The following STN1 variants were observed in gnomAD, a reference collection of about 807,000 sequenced individuals.
The protein encoded by STN1 is CST complex subunit STN1.
In STN1, 29 loss-of-function variants were observed where a neutral mutation model predicts 45.5. That is an observed-to-expected ratio of 0.64 (90% CI 0.47 to 0.87). The LOEUF is 0.87. Ranked by LOEUF, STN1 falls within the 40% of genes least tolerant of loss-of-function variation. The probability of loss-of-function intolerance (pLI) is 0.00; values close to 1 mark genes in which losing one functional copy is unlikely to be tolerated. For missense variants in STN1, 376 were observed against 441.4 expected (o/e 0.85, Z 1.33); for synonymous variants, 148 against 159.0 (o/e 0.93, Z 0.52).
rs550886766 is a variant in STN1, at chr10:103,900,304, T to G, written c.296-81A>C. ...CCACATCTGTGAGACAGTTTTAGGG[T>G]AAGACCAACACAATATGCTTATTTA... On this transcript the variant is annotated intron_variant, in intron 4 of 9. Coordinates refer to ENST00000224950, the MANE Select transcript of STN1 (RefSeq NM_024928.5). The G allele has an allele frequency of 3.0e-6, 4 of 1,351,978 alleles. No homozygotes were observed. In the South Asian group the frequency reaches 3.9e-5, roughly 13 times the overall value. The allele number at this position is 1,351,978 out of a possible 1,614,324, so 83.7% of individuals were successfully genotyped here. A position where few individuals can be genotyped will look rare whatever the true frequency, so the allele number is the denominator to read the frequency against.
rs1055574189 is a variant in STN1 at position 103,898,553 on chromosome 10, A to C, written c.581+324T>G. On this transcript the variant is annotated intron_variant, in intron 6 of 9. Coordinates refer to ENST00000224950, the MANE Select transcript of STN1 (RefSeq NM_024928.5). Reference sequence around the variant, plus strand: ...GAGCTTCCTGGATCTGTGAGTTTAAAGTTTTTATCAAACTTGGAAAAATGT... The same window carrying C: ...GAGCTTCCTGGATCTGTGAGTTTAACGTTTTTATCAAACTTGGAAAAATGT... Among the ~76,000 whole-genome samples the C allele has an allele frequency of 5.3e-5, 8 of 152,180 alleles. No homozygotes were observed. In the East Asian group the frequency reaches 1.2e-3, roughly 22 times the overall value.
rs928096108 is a variant in STN1 at position 103,879,558 on chromosome 10, T to C, written c.*3126A>G. ...GAGCACCAGCCCTAAGGCAGGAATA[T>C]GCCGAGGCATGTGTGCAAGGCCCGT... On this transcript the variant is annotated 3_prime_UTR_variant, in exon 10 of 10. Coordinates refer to ENST00000224950, the MANE Select transcript of STN1 (RefSeq NM_024928.5). 8.1e-6 allele frequency: 1 copy of C among 122,860 alleles called. No homozygotes were observed. The highest frequency in any genetic ancestry group is 1.7e-5 in the Non-Finnish European group (1 of 58,306). 7.6% of individuals were successfully genotyped at this position (122,860 alleles called of 1,614,324 possible). A position where few individuals can be genotyped will look rare whatever the true frequency, so the allele number is the denominator to read the frequency against.
chr10:103,892,214 A>G lies in STN1; in HGVS notation c.792T>C (p.His264=). The stretch of plus-strand genomic sequence containing the variant: ...GTTGTATAGCATTCTTAAATATACT[A>G]TGAATTGCCTTGGAAGTGGTGTCCT... The part of the protein sequence containing the change: ...FKKDTTSKAI[H]SIFKNAIQLL... Residue 264 remains histidine (H), a synonymous_variant, in exon 8 of 10, where the codon CAT becomes CAC. Coordinates refer to ENST00000224950, the MANE Select transcript of STN1 (RefSeq NM_024928.5). 1 of 1,605,678 alleles carries G rather than the reference A, an allele frequency of 6.2e-7. No homozygotes were observed. Among genetic ancestry groups the G allele is most frequent in the African/African-American group, 1.3e-5 (1 of 74,594 alleles).
intron 2 of STN1, among the ~76,000 whole-genome samples, chr10:103,911,209 T>G (rs1218840167): frequency 3.3e-5 from 5 of 152,148 alleles, no homozygotes. Flanking sequence ...GGCAGGCAAC[T>G]TCCTGCCAGA....
At chr10:103,903,864 A>C (rs1390091219) in intron 4 of STN1, among the ~76,000 whole-genome samples, 1 of 152,208 alleles carries the variant, frequency 6.6e-6, no homozygotes, top group African/African-American at 2.4e-5. Context: ...CTGCCTAAAA[A>C]CACGTTGTCT....
intron 8 of STN1, among the ~76,000 whole-genome samples, chr10:103,891,303 T>C (rs1843137906): frequency 6.6e-6 from 1 of 152,182 alleles, no homozygotes; most frequent in Non-Finnish European, 1.5e-5. Context: ...CTGAGGATGT[T>C]AAAAAGAACG....
At chr10:103,899,131 C>CCCAGTG (rs1197193400) in intron 5 of STN1, 131 bp from the exon 6 acceptor site, 3 of 883,230 alleles carry the variant, frequency 3.4e-6, no homozygotes, top group Non-Finnish European at 5.2e-6. Flanking sequence ...CTTGTGAGTG[C>CCCAGTG]CCAGGGATCA....
At position 103,892,959 on chromosome 10, in the gene STN1, G is replaced by A. The variant is rs74332688; in HGVS notation, c.754-707C>T. 1.5e-3 allele frequency among the ~76,000 whole-genome samples: 223 copies of A among 152,308 alleles called. 3 individuals carry two copies. The East Asian group carries it at 0.035, about 24-fold the overall frequency. ...TAGGCTATCAGCTATGTCCCCCCAT[G>A]CTTGACCAGATGGGATGCTTCTTGA... On this transcript the variant is annotated intron_variant, in intron 7 of 9. Transcript: ENST00000224950.
intron 7 of STN1, among the ~76,000 whole-genome samples, chr10:103,894,548 A>G (rs1843158891): frequency 6.6e-6 from 1 of 152,168 alleles, no homozygotes; most frequent in African/African-American, 2.4e-5. Context: ...CCTAGTTATA[A>G]AGACCATAGT....
rs947842348 is a variant in STN1 at position 103,882,622 on chromosome 10, C to T, written c.*62G>A. 8.5e-6 allele frequency: 13 copies of T among 1,522,158 alleles called. No individual in the cohort carries two copies. In the Middle Eastern group the frequency reaches 5.3e-4, roughly 62 times the overall value. 94.3% of individuals were successfully genotyped at this position (1,522,158 alleles called of 1,614,324 possible). A position where few individuals can be genotyped will look rare whatever the true frequency, so the allele number is the denominator to read the frequency against. On this transcript the variant is annotated 3_prime_UTR_variant, in exon 10 of 10. Transcript: ENST00000224950. ...TAAGCCCCTGCATGATGCTGAAAGT[C>T]AGAGCCTGGGGGTGAATGCCACCTT...
chr10:103,894,581 G>A (rs1454299603), intron 7 of STN1, among the ~76,000 whole-genome samples: 1 of 151,596 alleles, frequency 6.6e-6, no homozygotes. Context: ...GCCACTAATC[G>A]TCTCTTCCAG....
rs752340743 is a variant in STN1 at position 103,897,649 on chromosome 10, C to A, written c.652G>T (p.Glu218Ter). The A allele has an allele frequency of 6.2e-7, 1 of 1,614,202 alleles. No homozygotes were observed. The highest frequency in any genetic ancestry group is 1.1e-5 in the South Asian group (1 of 91,084). The stretch of plus-strand genomic sequence containing the variant: ...TGGTAAAAGCTCTGCACTCTGTTCT[C>A]CATGAGGAATTCTTTGGCTTTTTCA... ...LSEKAKEFLM[E>*]NRVQSFYQQE... The change falls in exon 7 of 10, where the codon GAG (glutamate) becomes TAG (stop). Residue 218 changes from glutamate to a stop codon, truncating the protein, a stop_gained. Transcript: ENST00000224950. LOFTEE classifies it high-confidence loss of function.
Position 103,900,175 on chromosome 10 carries a change from T to C in STN1, c.344A>G (p.Lys115Arg). 2 of 1,614,196 alleles carry C rather than the reference T, an allele frequency of 1.2e-6. No individual in the cohort carries two copies. Among genetic ancestry groups the C allele is most frequent in the Non-Finnish European group, 1.7e-6 (2 of 1,180,022 alleles). ...RELSLTSQLK[K>R]LQETIEQKTK... ...TTTCTGCTCAATGGTCTCTTGTAGCTTCTTAAGTTGTGAGGTTAAGCTGAG... is the reference window on the plus strand; with the variant it reads ...TTTCTGCTCAATGGTCTCTTGTAGCCTCTTAAGTTGTGAGGTTAAGCTGAG... Residue 115 changes from lysine to arginine, a missense_variant, in exon 5 of 10, where the codon AAG becomes AGG. Transcript: ENST00000224950.
At position 103,898,932 on chromosome 10, in the gene STN1, T is replaced by C; in HGVS notation, c.526A>G (p.Lys176Glu). 23 of 1,614,126 alleles carry C rather than the reference T, an allele frequency of 1.4e-5. No individual in the cohort carries two copies. Among genetic ancestry groups the C allele is most frequent in the Non-Finnish European group, 1.9e-5 (22 of 1,179,994 alleles). Reference protein sequence around the residue: ...RMLELPTIYRKVYDQPFHSSA... With the variant: ...RMLELPTIYREVYDQPFHSSA... ...CTGTGAAAAGGCTGGTCATAAACTTTCCTGTAGATAGTGGGCAGCTCAAGC... is the reference window on the plus strand; with the variant it reads ...CTGTGAAAAGGCTGGTCATAAACTTCCCTGTAGATAGTGGGCAGCTCAAGC... Residue 176 changes from lysine (K) to glutamate (E), a missense_variant, in exon 6 of 10, where the codon AAA becomes GAA. Lys to Glu is a moderately conservative substitution (Grantham distance 56). Coordinates refer to ENST00000224950, the MANE Select transcript of STN1 (RefSeq NM_024928.5).
chr10:103,900,196 C>G lies in STN1; in HGVS notation c.323G>C (p.Ser108Thr), dbSNP rs780655309. The G allele has an allele frequency of 1.9e-6, 3 of 1,614,142 alleles. No homozygotes were observed. The highest frequency in any genetic ancestry group is 1.1e-5 in the South Asian group (1 of 91,076). The change falls in exon 5 of 10, where the codon AGC becomes ACC. Residue 108 changes from serine (S) to threonine (T), a missense_variant. Ser to Thr is a moderately conservative substitution (Grantham distance 58). Transcript: ENST00000224950. The stretch of plus-strand genomic sequence containing the variant: ...TAGCTTCTTAAGTTGTGAGGTTAAG[C>G]TGAGCTCTCTTGCTGCACTTGGAGC... ...SAAPSAAREL[S>T]LTSQLKKLQE...
intron 3 of STN1, among the ~76,000 whole-genome samples, chr10:103,906,366 G>C (rs1390089275): frequency 6.6e-6 from 1 of 152,142 alleles, no homozygotes; most frequent in Admixed American, 6.5e-5. Context: ...AATATATAAA[G>C]AGCTCATAGG....
At chr10:103,908,282 C>T (rs11599098) in intron 3 of STN1, among the ~76,000 whole-genome samples, 1 of 40,544 alleles carries the variant, frequency 2.5e-5, no homozygotes, top group African/African-American at 4.5e-5. Flanking sequence ...CCCCGGACTT[C>T]CCAGTTTGTG....
At chr10:103,902,213 C>A (rs1368107381) in intron 4 of STN1, among the ~76,000 whole-genome samples, 1 of 152,176 alleles carries the variant, frequency 6.6e-6, no homozygotes, top group Non-Finnish European at 1.5e-5. Context: ...TGGACGCAAT[C>A]AGCATTACCG....
At chr10:103,893,290 T>A (rs1294263519) in intron 7 of STN1, among the ~76,000 whole-genome samples, 1 of 151,974 alleles carries the variant, frequency 6.6e-6, no homozygotes, top group African/African-American at 2.4e-5. Context: ...TGCCTCAGCC[T>A]CCCGAGTAGC....
Sources: gnomAD v4.1 joint callset for allele counts (sites outside exome capture counted in the v4.1 genomes callset) on GRCh38, gnomAD v4.1.1 for gene constraint, MANE v1.5 for transcripts, NCBI Gene and HGNC (gene_info 2026-07-23, HGNC 2026-07-21) for gene names.